Variants in CNOT6L observed in about 807,000 individuals in gnomAD.
CNOT6L encodes the protein CCR4-NOT transcription complex subunit 6 like.
In CNOT6L, 7 loss-of-function variants were observed where a neutral mutation model predicts 64.0. That is an observed-to-expected ratio of 0.11 (90% confidence interval 0.06 to 0.21). The LOEUF (loss-of-function observed/expected upper bound fraction) is 0.21. Among genes scored for constraint, CNOT6L ranks in the 10% least tolerant of loss-of-function variants. The pLI is 1.00. For missense variants in CNOT6L, 245 were observed against 669.0 expected (o/e 0.37, Z 6.99); for synonymous variants, 193 against 243.4 (o/e 0.79, Z 1.93).
At chr4:77,723,195 C>T (rs965432329) in intron 11 of CNOT6L, among the ~76,000 whole-genome samples, 1 of 152,130 alleles carries the variant, frequency 6.6e-6, no homozygotes, top group African/African-American at 2.4e-5. Flanking sequence ...GTTTATTAAA[C>T]TTACCTGGTC....
intron 9 of CNOT6L, among the ~76,000 whole-genome samples, chr4:77,729,496 G>C (rs529420613): frequency 2.6e-5 from 4 of 152,316 alleles, no homozygotes; most frequent in African/African-American, 9.6e-5. Context: ...TGATAGGTCA[G>C]CAGTAAAGGC....
rs989870946 is a variant in CNOT6L, at chr4:77,716,984, C to T, written c.*3447G>A. The T allele has an allele frequency of 2.0e-5, 3 of 152,442 alleles. No homozygotes were observed. The highest frequency in any genetic ancestry group is 2.9e-5 in the Non-Finnish European group (2 of 68,006). 9.4% of individuals were successfully genotyped at this position (152,442 alleles called of 1,614,324 possible). On this transcript the variant is annotated 3_prime_UTR_variant, in exon 12 of 12. Coordinates refer to ENST00000504123, the MANE Select transcript of CNOT6L (RefSeq NM_144571.3). ...GATATTCAAACGAATGTTCACACGC[C>T]TTACATCAAAGAAATGAAACAAAAA...
At chr4:77,794,010 G>A (rs973964938) in intron 1 of CNOT6L, among the ~76,000 whole-genome samples, 8 of 151,442 alleles carry the variant, frequency 5.3e-5, no homozygotes, top group African/African-American at 1.9e-4. Context: ...AAATTAGCCG[G>A]GCATGGTAGT....
intron 1 of CNOT6L, chr4:77,818,869 G>C (rs1733902216): frequency 3.5e-6 from 1 of 289,474 alleles, no homozygotes; most frequent in African/African-American, 2.3e-5. Context: ...GGCGGCCCCG[G>C]GATCAGCGGC....
intron 4 of CNOT6L, among the ~76,000 whole-genome samples, chr4:77,760,860 C>CTGTTTTTTTTTTTTT (rs1726134321): frequency 3.3e-5 from 1 of 29,978 alleles, no homozygotes; most frequent in Non-Finnish European, 5.7e-5. Context: ...CCATGCCTGG[C>CTGTTTTTTTTTTTTT]TTTTTTTTTT....
At chr4:77,742,768 A>G (rs575680049) in intron 7 of CNOT6L, among the ~76,000 whole-genome samples, 1 of 152,316 alleles carries the variant, frequency 6.6e-6, no homozygotes, top group East Asian at 1.9e-4. Context: ...AAAAAATTCT[A>G]CTTTAAGAAA....
At chr4:77,786,054 G>A (rs1340914900) in intron 1 of CNOT6L, among the ~76,000 whole-genome samples, 1 of 151,936 alleles carries the variant, frequency 6.6e-6, no homozygotes, top group African/African-American at 2.4e-5. Flanking sequence ...GCCAAGGAGA[G>A]TGGATCACCT....
At chr4:77,728,080 AT>A (rs1411785333) in intron 10 of CNOT6L, among the ~76,000 whole-genome samples, 1 of 152,226 alleles carries the variant, frequency 6.6e-6, no homozygotes, top group Non-Finnish European at 1.5e-5. Context: ...AAATGCAGAA[AT>A]TATTTTTATA....
At chr4:77,779,059 AAAACAAAAAAAAAACAC>A (rs1728515988) in intron 1 of CNOT6L, among the ~76,000 whole-genome samples, 1 of 97,108 alleles carries the variant, frequency 1.0e-5, no homozygotes, top group Non-Finnish European at 2.3e-5. Context: ...AAAAAAAAAA[AAAACAAAAAAAAAACAC>A]AAAAAACACA....
At chr4:77,751,358 G>A (rs1365615682) in intron 5 of CNOT6L, among the ~76,000 whole-genome samples, 1 of 152,000 alleles carries the variant, frequency 6.6e-6, no homozygotes, top group Non-Finnish European at 1.5e-5. Context: ...AAAGAAAACA[G>A]ACTGAAACAA....
Position 77,750,492 on chromosome 4 carries a change from C to T in CNOT6L, c.491-2108G>A, listed in dbSNP as rs1724737097. Among the ~76,000 whole-genome samples, 5 of 152,064 alleles carry T rather than the reference C, an allele frequency of 3.3e-5. No homozygotes were observed. In the South Asian group the frequency reaches 1.0e-3, roughly 32 times the overall value. ...TCAGCCTCCCGAGTAGCTGGGACTA[C>T]TGGCGCCCACCACCACACCCAGCTA... On this transcript the variant is annotated intron_variant, in intron 5 of 11. Coordinates refer to ENST00000504123, the MANE Select transcript of CNOT6L (RefSeq NM_144571.3).
chr4:77,743,956 T>C (rs1418205175), intron 7 of CNOT6L, among the ~76,000 whole-genome samples: 3 of 152,176 alleles, frequency 2.0e-5, no homozygotes, highest in Non-Finnish European at 4.4e-5. Context: ...TCTGAGTTGA[T>C]GAATATGTTA....
intron 5 of CNOT6L, among the ~76,000 whole-genome samples, chr4:77,753,191 GAAA>G (rs200937180): frequency 2.8e-5 from 3 of 105,614 alleles, no homozygotes; most frequent in East Asian, 2.5e-4. Context: ...CTTCCTACCA[GAAA>G]AAAAAAAAAA....
At chr4:77,805,064 C>A (rs893232758) in intron 1 of CNOT6L, among the ~76,000 whole-genome samples, 1 of 151,860 alleles carries the variant, frequency 6.6e-6, no homozygotes, top group African/African-American at 2.4e-5. Flanking sequence ...TATAGAGGGC[C>A]AATTTTTCAT....
At chr4:77,725,963 GCA>G in intron 11 of CNOT6L, 1 of 557,418 alleles carries the variant, frequency 1.8e-6, no homozygotes. Flanking sequence ...ATCTAAACAA[GCA>G]AGAGAGCAAG....
At chr4:77,737,911 T>C (rs1458034886) in intron 8 of CNOT6L, among the ~76,000 whole-genome samples, 2 of 152,184 alleles carry the variant, frequency 1.3e-5, no homozygotes, top group Admixed American at 1.3e-4. Flanking sequence ...TCAAAAAAAA[T>C]CCTACGTACA....
At chr4:77,742,051 G>A (rs561314744) in intron 8 of CNOT6L, 90 bp downstream of exon 8, 2 of 1,217,056 alleles carry the variant, frequency 1.6e-6, no homozygotes, top group South Asian at 3.2e-5. Flanking sequence ...GCTTTCTGTT[G>A]ATTTTATAGG....
Position 77,778,971 on chromosome 4 carries a change from C to T in CNOT6L, c.6-2579G>A, listed in dbSNP as rs555992229. On this transcript the variant is annotated intron_variant, in intron 1 of 11. Coordinates refer to ENST00000504123, the MANE Select transcript of CNOT6L (RefSeq NM_144571.3). ...CTGAGGTAGGAGAATGGCGTGAACC[C>T]GGAAGGCGGAGCCTGCAGTGGGCCG... is the stretch of plus-strand genomic sequence containing the variant. 3.4e-5 allele frequency among the ~76,000 whole-genome samples: 5 copies of T among 145,544 alleles called. No homozygotes were observed. In the East Asian group the frequency reaches 7.0e-4, roughly 20 times the overall value.
intron 5 of CNOT6L, among the ~76,000 whole-genome samples, chr4:77,754,949 A>T: frequency 6.7e-6 from 1 of 148,186 alleles, no homozygotes. Context: ...GAATATATTC[A>T]TGATCTTGTG....
Sources: gnomAD v4.1 joint callset for allele counts (sites outside exome capture counted in the v4.1 genomes callset) on GRCh38, gnomAD v4.1.1 for gene constraint, MANE v1.5 for transcripts, NCBI Gene and HGNC (gene_info 2026-07-23, HGNC 2026-07-21) for gene names.